ZMYND12: variants seen among roughly 807,000 people sequenced by gnomAD.
The protein encoded by ZMYND12 is zinc finger MYND-type containing 12, also known as zinc finger MYND domain-containing protein 12.
A neutral mutation model predicts 41.7 loss-of-function variants in ZMYND12; 32 were observed. That is an observed-to-expected ratio of 0.77 (90% CI 0.58 to 1.03). The LOEUF is 1.03. Ranked by LOEUF, ZMYND12 falls within the 50% of genes least tolerant of loss-of-function variation. The pLI is 0.00. For missense variants in ZMYND12, 424 were observed against 438.5 expected (o/e 0.97, Z 0.30); for synonymous variants, 148 against 164.8 (o/e 0.90, Z 0.78).
chr1:42,452,509 T>C (rs1430858280), intron 1 of ZMYND12, among the ~76,000 whole-genome samples: 1 of 152,190 alleles, frequency 6.6e-6, no homozygotes, highest in Non-Finnish European at 1.5e-5. Flanking sequence ...GAGACCAGCC[T>C]GACCAATATG....
At chr1:42,442,251 G>A (rs190638786) in intron 3 of ZMYND12, among the ~76,000 whole-genome samples, 1 of 152,290 alleles carries the variant, frequency 6.6e-6, no homozygotes, top group African/African-American at 2.4e-5. Flanking sequence ...GGAGGGACCA[G>A]AGGGGAGGAA....
chr1:42,440,016 C>A lies in ZMYND12; in HGVS notation c.434G>T (p.Arg145Leu). ...LLAEASLGLG[R>L]IVQAEEYLFQ... ...TAGATATTCTTCAGCCTGAACGATT[C>A]GGCCCAGACCTGCCCAAAAGCAGAA... Residue 145 changes from arginine (R) to leucine (L), a missense_variant, in exon 4 of 8, where the codon CGA (arginine) becomes CTA (leucine). Coordinates refer to ENST00000372565, the MANE Select transcript of ZMYND12 (RefSeq NM_032257.5). 1 of 1,596,042 alleles carries A rather than the reference C, an allele frequency of 6.3e-7. No homozygotes were observed. Among genetic ancestry groups the A allele is most frequent in the Non-Finnish European group, 8.5e-7 (1 of 1,174,706 alleles).
intron 1 of ZMYND12, among the ~76,000 whole-genome samples, chr1:42,454,183 T>C (rs985948663): frequency 6.6e-6 from 1 of 152,182 alleles, no homozygotes; most frequent in Non-Finnish European, 1.5e-5. Context: ...CAGTTCTCTA[T>C]AACTACAGCA....
chr1:42,434,719 C>T (rs182063023), intron 6 of ZMYND12, among the ~76,000 whole-genome samples: 10 of 151,888 alleles, frequency 6.6e-5, no homozygotes, highest in Non-Finnish European at 1.3e-4. Flanking sequence ...CCCATCACTC[C>T]CAGATGGGAC....
rs1570345280 is a variant in ZMYND12, at chr1:42,433,440, G to C, written c.830-152C>G. The C allele has an allele frequency of 4.7e-6, 4 of 859,912 alleles. No homozygotes were observed. The Middle Eastern group carries it at 9.7e-4, about 209-fold the overall frequency. The allele number at this position is 859,912 out of a possible 1,614,324, so 53.3% of individuals were successfully genotyped here. A position where few individuals can be genotyped will look rare whatever the true frequency, so the allele number is the denominator to read the frequency against. On this transcript the variant is annotated intron_variant, in intron 6 of 7. Coordinates refer to ENST00000372565, the MANE Select transcript of ZMYND12 (RefSeq NM_032257.5). ...CCAATTACAGCAAGTTTTTTACCTA[G>C]AGGACTCCCTCCAGGTGCAAAGCAG...
intron 3 of ZMYND12, among the ~76,000 whole-genome samples, chr1:42,441,851 ACC>A (rs557560594): frequency 1.4e-4 from 21 of 152,150 alleles, no homozygotes; most frequent in African/African-American, 5.1e-4. Context: ...CGATCTCCTG[ACC>A]TTGTGATCCG....
intron 3 of ZMYND12, among the ~76,000 whole-genome samples, chr1:42,447,010 T>C (rs529218320): frequency 6.6e-6 from 1 of 152,244 alleles, no homozygotes; most frequent in South Asian, 2.1e-4. Flanking sequence ...GCCCATTGAA[T>C]AAAGATAAAA....
At position 42,439,948 on chromosome 1, in the gene ZMYND12, T is replaced by C. The variant is rs369301582; in HGVS notation, c.502A>G (p.Asn168Asp). Residue 168 changes from asparagine (N) to aspartate (D), a missense_variant, in exon 4 of 8, where the codon AAT becomes GAT. Asn to Asp is a conservative substitution (Grantham distance 23, BLOSUM62 1). Coordinates refer to ENST00000372565, the MANE Select transcript of ZMYND12 (RefSeq NM_032257.5). ...CGATGCAGTAAAGAGTGGGTGGCAT[T>C]ACTACAGTCAGTTGATTTGAGGACT... ...WTVLKSTDCS[N>D]ATHSLLHRNL... 6.8e-5 allele frequency: 109 copies of C among 1,614,032 alleles called. 1 individual carries two copies. The South Asian group carries it at 9.9e-4, about 15-fold the overall frequency.
In ZMYND12 at chr1:42,436,402, C is replaced by T. The variant is rs112176778; in HGVS notation, c.717+19G>A. 384 of 1,612,286 alleles carry T rather than the reference C, an allele frequency of 2.4e-4. 1 individual carries two copies. In the African/African-American group the frequency reaches 4.4e-3, roughly 18 times the overall value. On this transcript the variant is annotated intron_variant, in intron 5 of 7. Transcript: ENST00000372565. ...CAAGCCTAAGAGTGAAGGCTCAGCT[C>T]CCACATTCCCCAGCTCACCTTGGTG...
chr1:42,432,955 C>A, intron 7 of ZMYND12, 188 bp downstream of exon 7: 1 of 650,076 alleles, frequency 1.5e-6, no homozygotes. Flanking sequence ...GGGAAGAAGA[C>A]AATCCAATTT....
intron 3 of ZMYND12, among the ~76,000 whole-genome samples, chr1:42,441,516 T>C (rs1257751582): frequency 6.6e-6 from 1 of 152,264 alleles, no homozygotes; most frequent in Non-Finnish European, 1.5e-5. Flanking sequence ...TAATACAAAG[T>C]AAATGCTATG....
Position 42,451,329 on chromosome 1 carries a change from A to C in ZMYND12, c.111-1270T>G, listed in dbSNP as rs574412610. On this transcript the variant is annotated intron_variant, in intron 1 of 7. Coordinates refer to ENST00000372565, the MANE Select transcript of ZMYND12 (RefSeq NM_032257.5). ...CCCCAGTTCTGTCTGTTTTTGCTGC[A>C]TGTATTTTGAGGCTCTGTTGTTAGA... 1.6e-4 allele frequency among the ~76,000 whole-genome samples: 24 copies of C among 152,272 alleles called. No individual in the cohort carries two copies. In the South Asian group the frequency reaches 5.0e-3, roughly 32 times the overall value.
At chr1:42,442,191 G>A (rs977479741) in intron 3 of ZMYND12, among the ~76,000 whole-genome samples, 4 of 152,148 alleles carry the variant, frequency 2.6e-5, no homozygotes, top group Non-Finnish European at 5.9e-5. Flanking sequence ...TTCAAAAAGG[G>A]CGAGAGAATC....
At chr1:42,430,917 G>A in intron 7 of ZMYND12, 59 bp from the exon 8 acceptor site, 2 of 1,602,678 alleles carry the variant, frequency 1.2e-6, no homozygotes, top group Non-Finnish European at 8.5e-7. Context: ...ACACTGGGAA[G>A]CCCCATCTGT....
At chr1:42,436,365 G>A in intron 5 of ZMYND12, 56 bp downstream of exon 5, 1 of 1,605,304 alleles carries the variant, frequency 6.2e-7, no homozygotes, top group South Asian at 1.1e-5. Context: ...TCTAATACAA[G>A]TTGTAAGACA....
intron 2 of ZMYND12, 53 bp downstream of exon 2, chr1:42,449,865 G>A: frequency 6.3e-7 from 1 of 1,596,166 alleles, no homozygotes. Flanking sequence ...GCCTTGTCTT[G>A]GGCAGCTTCA....
At chr1:42,431,040 T>C (rs1642843447) in intron 7 of ZMYND12, among the ~76,000 whole-genome samples, 182 bp from the exon 8 acceptor site, 1 of 152,212 alleles carries the variant, frequency 6.6e-6, no homozygotes, top group African/African-American at 2.4e-5. Flanking sequence ...ACATGTGCGC[T>C]GGGCAGGGCA....
intron 4 of ZMYND12, among the ~76,000 whole-genome samples, chr1:42,437,199 C>A (rs2148405306): frequency 6.6e-6 from 1 of 152,230 alleles, no homozygotes; most frequent in South Asian, 2.1e-4. Flanking sequence ...CAAAGGACCA[C>A]ACATGATGCT....
chr1:42,435,924 T>C (rs1223062631), intron 5 of ZMYND12, among the ~76,000 whole-genome samples: 1 of 152,206 alleles, frequency 6.6e-6, no homozygotes, highest in African/African-American at 2.4e-5. Flanking sequence ...ACACAAATGA[T>C]TGCCTGCTAA....
Sources: gnomAD v4.1 joint callset for allele counts (sites outside exome capture counted in the v4.1 genomes callset) on GRCh38, gnomAD v4.1.1 for gene constraint, MANE v1.5 for transcripts, NCBI Gene and HGNC (gene_info 2026-07-23, HGNC 2026-07-21) for gene names.